Variants in VPS13C observed in about 807,000 individuals in gnomAD.
The protein encoded by VPS13C is vacuolar protein sorting 13 homolog C.
VPS13C carries 358 observed loss-of-function variants against 456.8 expected under a neutral mutation model. The ratio of observed to expected loss-of-function variants is 0.78; its 90% CI spans 0.72 to 0.86. The LOEUF is 0.86. Ranked by LOEUF, VPS13C falls within the 40% of genes least tolerant of loss-of-function variation. The pLI is 0.00. For synonymous variants in VPS13C, 1,578 were observed against 1,486.7 expected (o/e 1.06, Z -1.41); for missense variants, 4,818 against 4,385.4 (o/e 1.10, Z -2.79).
chr15:61,876,636 C>T (rs371314139), intron 75 of VPS13C, among the ~76,000 whole-genome samples: 2 of 151,718 alleles, frequency 1.3e-5, no homozygotes, highest in Admixed American at 6.6e-5. Context: ...GGGAGGAAAC[C>T]GGCTTAGAAT....
Position 61,911,905 on chromosome 15 carries a change from C to T in VPS13C, c.8650G>A (p.Val2884Ile), listed in dbSNP as rs1566993425. ...IANKSSLELEVGEIASDGSMP... is the reference protein window; with the variant it reads ...IANKSSLELEIGEIASDGSMP... Reference sequence around the variant, plus strand: ...GAGCCATCAGATGCAATCTCGCCAACTTCTAGTTCTAATGATGACTTGTTT... The same window carrying T: ...GAGCCATCAGATGCAATCTCGCCAATTTCTAGTTCTAATGATGACTTGTTT... The change falls in exon 63 of 85, where the codon GTT becomes ATT. Residue 2884 changes from valine (V) to isoleucine (I), a missense_variant. Around this residue, in one of 3 missense-constraint regions of VPS13C, gnomAD observed 4,552 missense variants for 4,130.6 expected, o/e 1.10. Coordinates refer to ENST00000644861, the MANE Select transcript of VPS13C (RefSeq NM_020821.3). The T allele has an allele frequency of 3.7e-6, 6 of 1,612,562 alleles. No homozygotes were observed. The highest frequency in any genetic ancestry group is 1.7e-5 in the Admixed American group (1 of 59,944).
chr15:62,024,720 A>G (rs569140936), intron 6 of VPS13C, among the ~76,000 whole-genome samples: 1 of 152,230 alleles, frequency 6.6e-6, no homozygotes, highest in East Asian at 1.9e-4. Context: ...TGTTTACACA[A>G]TAAAGTCCTT....
rs116591006 is a variant in VPS13C at position 62,001,199 on chromosome 15, T to C, written c.1291-573A>G. Among the ~76,000 whole-genome samples, 1,225 of 152,324 alleles carry C rather than the reference T, an allele frequency of 8.0e-3. 23 individuals carry two copies. Among genetic ancestry groups the C allele is most frequent in the African/African-American group, 0.026 (1,064 of 41,574 alleles). On this transcript the variant is annotated intron_variant, in intron 15 of 84. Coordinates refer to ENST00000644861, the MANE Select transcript of VPS13C (RefSeq NM_020821.3). ...TTCTCACCACTCTGTAAGACAGATATTGTTACCATTTTATATACGAGAACA... is the reference window on the plus strand; with the variant it reads ...TTCTCACCACTCTGTAAGACAGATACTGTTACCATTTTATATACGAGAACA...
In VPS13C at chr15:61,915,769, C is replaced by G. The variant is rs2043451915; in HGVS notation, c.8309G>C (p.Ser2770Thr). 6.2e-7 allele frequency: 1 copy of G among 1,613,974 alleles called. No individual in the cohort carries two copies. The highest frequency in any genetic ancestry group is 1.1e-5 in the South Asian group (1 of 91,080). Residue 2770 changes from serine to threonine, a missense_variant, in exon 61 of 85, where the codon AGT (serine) becomes ACT (threonine). Ser to Thr is a moderately conservative substitution (Grantham distance 58). Around this residue, in one of 3 missense-constraint regions of VPS13C, gnomAD observed 4,552 missense variants for 4,130.6 expected, o/e 1.10. Transcript: ENST00000644861. ...IGSRMVLSVF[S>T]PYWLINKTTR... is the part of the protein sequence containing the mutation. ...AGTCTTGTTGATTAACCAATAGGGA[C>G]TAAAGACAGACAGCACCATCCGGCT... is the stretch of plus-strand genomic sequence containing the variant.
chr15:61,950,334 T>G (rs1359229073), intron 41 of VPS13C, 24 bp downstream of exon 41: 36 of 1,579,976 alleles, frequency 2.3e-5, no homozygotes, highest in Non-Finnish European at 3.1e-5. Flanking sequence ...AACCCAACCT[T>G]ATAGCAAATT....
intron 66 of VPS13C, among the ~76,000 whole-genome samples, chr15:61,897,792 C>T (rs1282779099): frequency 6.6e-6 from 1 of 152,038 alleles, no homozygotes; most frequent in East Asian, 1.9e-4. Flanking sequence ...CTCCAAGACA[C>T]ATAATTGTCA....
chr15:62,043,301 G>T (rs1257615799), intron 2 of VPS13C, among the ~76,000 whole-genome samples: 2 of 152,154 alleles, frequency 1.3e-5, no homozygotes, highest in Non-Finnish European at 2.9e-5. Context: ...CATGCTAAAA[G>T]ATCAAAGAAA....
At position 62,050,827 on chromosome 15, in the gene VPS13C, T is replaced by G. The variant is rs186170914; in HGVS notation, c.101-6572A>C. On this transcript the variant is annotated intron_variant, in intron 1 of 84. Transcript: ENST00000644861. The stretch of plus-strand genomic sequence containing the variant: ...TCTCAAAAAAAAAAAAAAAAAAAAG[T>G]AAATCCTGGATCAAAACTGGATCAA... Among the ~76,000 whole-genome samples the G allele has an allele frequency of 1.3e-3, 174 of 137,014 alleles. 2 individuals carry two copies. In the South Asian group the frequency reaches 0.017, roughly 13 times the overall value. The allele number at this position is 137,014 out of a possible 152,430, so 89.9% of individuals were successfully genotyped here.
intron 27 of VPS13C, 25 bp downstream of exon 27, chr15:61,972,600 T>C (rs761042984): frequency 6.2e-7 from 1 of 1,607,430 alleles, no homozygotes; most frequent in Non-Finnish European, 8.5e-7. Context: ...AGAATATATC[T>C]ATTTATAGAC....
In VPS13C at chr15:62,019,993, TAC is replaced by T. The variant is rs1183466057; in HGVS notation, c.684+484_684+485del. On this transcript the variant is annotated intron_variant, in intron 9 of 84. Transcript: ENST00000644861. The stretch of plus-strand genomic sequence containing the variant: ...ATATATATGTATGTGTGTATATATA[TAC>T]AGACACACACTGTCTACTGTTAAAG... Among the ~76,000 whole-genome samples, 8 of 151,130 alleles carry T rather than the reference TAC, an allele frequency of 5.3e-5. No homozygotes were observed. The Admixed American group carries it at 5.3e-4, about 10-fold the overall frequency.
At chr15:62,044,170 C>A (rs753562550) in intron 2 of VPS13C, 42 bp downstream of exon 2, 10 of 1,378,958 alleles carry the variant, frequency 7.3e-6, no homozygotes, top group South Asian at 3.8e-5. Flanking sequence ...TAAGAACTTA[C>A]CAAATTAAGT....
chr15:61,922,863 AT>A lies in VPS13C; in HGVS notation c.6610-102del, dbSNP rs947303561. ...GTGACATACATTAATTATAAGTGAC[AT>A]TTTTAAATTAAATTTTAATTTTAAA... On this transcript the variant is annotated intron_variant, in intron 53 of 84. Coordinates refer to ENST00000644861, the MANE Select transcript of VPS13C (RefSeq NM_020821.3). The A allele has an allele frequency of 2.5e-5, 23 of 920,486 alleles. No individual in the cohort carries two copies. The African/African-American group carries it at 3.8e-4, about 15-fold the overall frequency. 57.0% of individuals were successfully genotyped at this position (920,486 alleles called of 1,614,324 possible). A position where few individuals can be genotyped will look rare whatever the true frequency, so the allele number is the denominator to read the frequency against.
intron 81 of VPS13C, 53 bp from the exon 82 acceptor site, chr15:61,863,581 T>TG: frequency 9.2e-6 from 11 of 1,193,306 alleles, no homozygotes; most frequent in Non-Finnish European, 1.2e-5. Flanking sequence ...TAAGTAGTAT[T>TG]TACAATACTG....
At chr15:62,033,583 T>A in intron 4 of VPS13C, 41 bp from the exon 5 acceptor site, 3 of 1,401,774 alleles carry the variant, frequency 2.1e-6, no homozygotes, top group Non-Finnish European at 2.9e-6. Flanking sequence ...TAAATGGAAT[T>A]AATAAATAAA....
chr15:61,976,004 C>T (rs372652090), intron 24 of VPS13C, among the ~76,000 whole-genome samples: 2 of 152,078 alleles, frequency 1.3e-5, no homozygotes, highest in Admixed American at 6.6e-5. Flanking sequence ...ATGTTTCATT[C>T]ATACCTTGTA....
chr15:62,032,628 A>T (rs1166108063), intron 5 of VPS13C, among the ~76,000 whole-genome samples: 1 of 151,846 alleles, frequency 6.6e-6, no homozygotes, highest in African/African-American at 2.4e-5. Context: ...TAGGAAAAGA[A>T]ATCTTATATC....
At position 61,950,974 on chromosome 15, in the gene VPS13C, C is replaced by T. The variant is rs201596208; in HGVS notation, c.4507G>A (p.Glu1503Lys). 5.6e-6 allele frequency: 9 copies of T among 1,603,374 alleles called. No individual in the cohort carries two copies. In the East Asian group the frequency reaches 1.1e-4, roughly 20 times the overall value. The change falls in exon 40 of 85, where the codon GAA becomes AAA. Residue 1503 changes from glutamate (E) to lysine (K), a missense_variant. Transcript: ENST00000644861. ...GTCAGTAACATTTTCAGAAGGGGTT[C>T]GTCAGTCACATTAGAAGAGTTAATA... ...HIINSSNVTD[E>K]PLLKMLLTKA... is the part of the protein sequence containing the mutation.
At chr15:61,892,121 T>A (rs747093397) in intron 66 of VPS13C, among the ~76,000 whole-genome samples, 1 of 152,136 alleles carries the variant, frequency 6.6e-6, no homozygotes, top group Non-Finnish European at 1.5e-5. Context: ...GCTCAGCCCA[T>A]GGGAAGCATC....
rs143317699 is a variant in VPS13C at position 61,925,795 on chromosome 15, A to C, written c.6517-247T>G. Among the ~76,000 whole-genome samples, 899 of 152,342 alleles carry C rather than the reference A, an allele frequency of 5.9e-3. 7 individuals carry two copies. The highest frequency in any genetic ancestry group is 0.021 in the African/African-American group (854 of 41,596). On this transcript the variant is annotated intron_variant, in intron 52 of 84. Coordinates refer to ENST00000644861, the MANE Select transcript of VPS13C (RefSeq NM_020821.3). ...TGAATTTCATCATGCCAAATCCTTAAGTAATAAAGCAGATTTACTGTTTAA... is the reference window on the plus strand; with the variant it reads ...TGAATTTCATCATGCCAAATCCTTACGTAATAAAGCAGATTTACTGTTTAA...
Sources: gnomAD v4.1 joint callset for allele counts (sites outside exome capture counted in the v4.1 genomes callset) on GRCh38, gnomAD v4.1.1 for gene constraint, gnomAD v4.1.1 regional missense constraint, MANE v1.5 for transcripts, NCBI Gene and HGNC (gene_info 2026-07-23, HGNC 2026-07-21) for gene names.